ULK4: variants seen among roughly 807,000 people sequenced by gnomAD.
The protein encoded by ULK4 is unc-51 like kinase 4.
A neutral mutation model predicts 160.6 loss-of-function variants in ULK4; 133 were observed. That is an observed-to-expected ratio of 0.83 (90% CI 0.72 to 0.96). The LOEUF is 0.96. ULK4 is among the 40% of genes least tolerant of loss of function. The pLI is 0.00. For synonymous variants in ULK4, 534 were observed against 539.8 expected (o/e 0.99, Z 0.15); for missense variants, 1,580 against 1,499.5 (o/e 1.05, Z -0.89).
At chr3:41,253,119 AAACT>A in intron 35 of ULK4, among the ~76,000 whole-genome samples, 1 of 152,260 alleles carries the variant, frequency 6.6e-6, no homozygotes, top group Middle Eastern at 3.4e-3. Context: ...AGATGAATGA[AAACT>A]AATAGAAGCA....
intron 31 of ULK4, among the ~76,000 whole-genome samples, chr3:41,611,676 T>C (rs1218727105): frequency 1.3e-5 from 2 of 152,152 alleles, no homozygotes; most frequent in African/African-American, 2.4e-5. Context: ...AGCCTGACTC[T>C]TGCTGAGTCC....
At chr3:41,783,288 G>A (rs1429690595) in intron 21 of ULK4, among the ~76,000 whole-genome samples, 3 of 152,042 alleles carry the variant, frequency 2.0e-5, no homozygotes, top group Non-Finnish European at 2.9e-5. Flanking sequence ...TGTAATCCCA[G>A]CACTTTGGGA....
intron 35 of ULK4, among the ~76,000 whole-genome samples, chr3:41,342,313 A>G (rs2080703281): frequency 6.6e-6 from 1 of 152,222 alleles, no homozygotes; most frequent in Non-Finnish European, 1.5e-5. Context: ...GAAGGCTAAC[A>G]GACTTGCACT....
At chr3:41,789,261 T>C (rs1187675205) in intron 21 of ULK4, among the ~76,000 whole-genome samples, 1 of 151,944 alleles carries the variant, frequency 6.6e-6, no homozygotes, top group Non-Finnish European at 1.5e-5. Context: ...TGGCAGAGTA[T>C]TACAAGGAAA....
At chr3:41,350,386 C>T (rs1469427324) in intron 35 of ULK4, among the ~76,000 whole-genome samples, 1 of 152,048 alleles carries the variant, frequency 6.6e-6, no homozygotes, top group Non-Finnish European at 1.5e-5. Flanking sequence ...AAGTTTATTA[C>T]CTTCACATAA....
chr3:41,559,505 G>A (rs2087473398), intron 32 of ULK4, among the ~76,000 whole-genome samples: 2 of 136,652 alleles, frequency 1.5e-5, no homozygotes, highest in South Asian at 4.9e-4. Context: ...GTGTAAAGGT[G>A]TTCCTATTTC....
chr3:41,853,215 A>G (rs973121812), intron 17 of ULK4, among the ~76,000 whole-genome samples: 1 of 152,124 alleles, frequency 6.6e-6, no homozygotes, highest in Non-Finnish European at 1.5e-5. Context: ...AAGGCCTGAG[A>G]ATTTGCATTT....
At chr3:41,284,063 A>G (rs1031347360) in intron 35 of ULK4, among the ~76,000 whole-genome samples, 38 of 152,174 alleles carry the variant, frequency 2.5e-4, no homozygotes, top group African/African-American at 9.2e-4. Context: ...CACTGCTGAA[A>G]GCAATCATAG....
chr3:41,345,253 A>G (rs1025775221), intron 35 of ULK4, among the ~76,000 whole-genome samples: 71 of 152,356 alleles, frequency 4.7e-4, no homozygotes, highest in African/African-American at 1.6e-3. Flanking sequence ...ATACCATTTG[A>G]CCCAGCAATC....
intron 12 of ULK4, among the ~76,000 whole-genome samples, chr3:41,901,685 G>A (rs867879399): frequency 2.0e-5 from 3 of 149,304 alleles, no homozygotes; most frequent in African/African-American, 7.4e-5. Context: ...TCACCATGTT[G>A]GCCAGGCTGG....
intron 30 of ULK4, among the ~76,000 whole-genome samples, chr3:41,629,542 A>G (rs867847789): frequency 4.6e-5 from 7 of 152,324 alleles, no homozygotes; most frequent in Middle Eastern, 3.4e-3. Flanking sequence ...AAGGCAGTCC[A>G]GATTCAAATG....
chr3:41,933,089 C>T (rs758971814), intron 4 of ULK4, among the ~76,000 whole-genome samples: 1 of 152,166 alleles, frequency 6.6e-6, no homozygotes, highest in African/African-American at 2.4e-5. Flanking sequence ...CTCTTAACTT[C>T]TAGTCACAAA....
intron 35 of ULK4, among the ~76,000 whole-genome samples, chr3:41,372,169 T>C (rs951756714): frequency 6.6e-5 from 10 of 152,098 alleles, no homozygotes; most frequent in African/African-American, 1.2e-4. Context: ...CTACATTTGA[T>C]TGGTGTACCT....
chr3:41,355,847 C>T (rs1422143688), intron 35 of ULK4, among the ~76,000 whole-genome samples: 1 of 152,142 alleles, frequency 6.6e-6, no homozygotes. Flanking sequence ...GTTTAACTAG[C>T]ACTGTCTCAT....
intron 32 of ULK4, among the ~76,000 whole-genome samples, chr3:41,527,139 C>A (rs1210438901): frequency 2.0e-5 from 3 of 152,226 alleles, no homozygotes; most frequent in Non-Finnish European, 4.4e-5. Flanking sequence ...CACAGCCCTC[C>A]TGTAAGGACA....
chr3:41,945,190 T>TG (rs1435911540), intron 2 of ULK4, among the ~76,000 whole-genome samples: 2 of 152,232 alleles, frequency 1.3e-5, no homozygotes, highest in African/African-American at 4.8e-5. Context: ...ACCAAAGTGC[T>TG]GCCTCTGCCA....
chr3:41,623,853 G>A (rs530153472), intron 30 of ULK4, among the ~76,000 whole-genome samples: 8 of 152,252 alleles, frequency 5.3e-5, no homozygotes, highest in Admixed American at 3.9e-4. Flanking sequence ...ATGATAGCAC[G>A]TGAAGTGATG....
chr3:41,723,649 T>C (rs1023576885), intron 22 of ULK4, among the ~76,000 whole-genome samples: 2 of 152,232 alleles, frequency 1.3e-5, no homozygotes, highest in East Asian at 1.9e-4. Context: ...GGCCAATATA[T>C]GTAGGTAACT....
chr3:41,396,177 T>C (rs575050628), intron 35 of ULK4, among the ~76,000 whole-genome samples: 1 of 152,218 alleles, frequency 6.6e-6, no homozygotes, highest in South Asian at 2.1e-4. Flanking sequence ...CAGGAGCCCA[T>C]GTTTGGTCTT....
Sources: gnomAD v4.1 joint callset for allele counts (sites outside exome capture counted in the v4.1 genomes callset) on GRCh38, gnomAD v4.1.1 for gene constraint, MANE v1.5 for transcripts, NCBI Gene and HGNC (gene_info 2026-07-23, HGNC 2026-07-21) for gene names.